Variants in LHFPL3 observed in about 807,000 individuals in gnomAD.
The protein encoded by LHFPL3 is LHFPL tetraspan subfamily member 3.
Under a neutral mutation model 19.3 loss-of-function variants are expected in LHFPL3, and 5 were observed. That is an observed-to-expected ratio of 0.26 (90% CI 0.14 to 0.54). The LOEUF (loss-of-function observed/expected upper bound fraction) is 0.54, where lower values mean the gene tolerates loss of function less well. LHFPL3 is among the 20% of genes least tolerant of loss of function. The pLI, the probability that LHFPL3 is intolerant of heterozygous loss-of-function variation, is 0.94. For missense variants in LHFPL3, 249 were observed against 307.4 expected (o/e 0.81, Z 1.42); for synonymous variants, 133 against 126.2 (o/e 1.05, Z -0.36).
chr7:104,562,886 G>T (rs1316063616), intron 1 of LHFPL3, among the ~76,000 whole-genome samples: 1 of 151,794 alleles, frequency 6.6e-6, no homozygotes, highest in Admixed American at 6.6e-5. Context: ...CTGTTTGTTA[G>T]TTTTCCTTCT....
At chr7:104,356,491 C>G (rs1428420867) in intron 1 of LHFPL3, among the ~76,000 whole-genome samples, 1 of 152,124 alleles carries the variant, frequency 6.6e-6, no homozygotes, top group East Asian at 1.9e-4. Flanking sequence ...TCATTTGGAC[C>G]ATGGCAGCTA....
At chr7:104,719,000 T>C (rs1793440695) in intron 1 of LHFPL3, among the ~76,000 whole-genome samples, 1 of 152,168 alleles carries the variant, frequency 6.6e-6, no homozygotes, top group Admixed American at 6.5e-5. Flanking sequence ...AAAAATGCTG[T>C]TTAGATTTTA....
At position 104,520,573 on chromosome 7, in the gene LHFPL3, G is replaced by A. The variant is rs1313094663; in HGVS notation, c.445+191349G>A. Among the ~76,000 whole-genome samples, 1,172 of 136,552 alleles carry A rather than the reference G, an allele frequency of 8.6e-3. 12 individuals are homozygous for A. The highest frequency in any genetic ancestry group is 0.03 in the African/African-American group (1,109 of 36,560). The allele number at this position is 136,552 out of a possible 152,430, so 89.6% of individuals were successfully genotyped here. A position where few individuals can be genotyped will look rare whatever the true frequency, so the allele number is the denominator to read the frequency against. ...TAGAATTCGGCTGTGAATCCATCTG[G>A]TCCTGGACTCTTTTTGGTTGGTAAG... On this transcript the variant is annotated intron_variant, in intron 1 of 2. Transcript: ENST00000424859.
intron 1 of LHFPL3, among the ~76,000 whole-genome samples, chr7:104,514,383 C>A (rs1344895582): frequency 6.6e-6 from 1 of 152,168 alleles, no homozygotes; most frequent in African/African-American, 2.4e-5. Flanking sequence ...TAGTATCTAT[C>A]TCTCCCACTG....
At chr7:104,354,684 A>G (rs1189031730) in intron 1 of LHFPL3, among the ~76,000 whole-genome samples, 4 of 152,140 alleles carry the variant, frequency 2.6e-5, no homozygotes, top group African/African-American at 9.6e-5. Context: ...CTGCTACCCT[A>G]TTGTCCAGTT....
chr7:104,854,425 G>C (rs934883547), intron 2 of LHFPL3, among the ~76,000 whole-genome samples: 24 of 152,176 alleles, frequency 1.6e-4, no homozygotes, highest in African/African-American at 5.6e-4. Context: ...CCTGTCTTCA[G>C]AGCTTCTCCT....
chr7:104,753,769 C>G (rs1794222736), intron 2 of LHFPL3, among the ~76,000 whole-genome samples: 1 of 151,850 alleles, frequency 6.6e-6, no homozygotes, highest in African/African-American at 2.4e-5. Context: ...AAAGGAAACT[C>G]AAAAACAGAG....
intron 1 of LHFPL3, among the ~76,000 whole-genome samples, chr7:104,585,509 A>ACACACACT: frequency 6.6e-6 from 1 of 151,322 alleles, no homozygotes; most frequent in African/African-American, 2.4e-5. Flanking sequence ...ACACACACAC[A>ACACACACT]CACACACACA....
At chr7:104,817,186 C>T (rs992241637) in intron 2 of LHFPL3, among the ~76,000 whole-genome samples, 2 of 152,194 alleles carry the variant, frequency 1.3e-5, no homozygotes, top group South Asian at 2.1e-4. Flanking sequence ...TGCCAGTCTT[C>T]GTTATAATTT....
chr7:104,377,518 T>G (rs981638867), intron 1 of LHFPL3, among the ~76,000 whole-genome samples: 1 of 152,202 alleles, frequency 6.6e-6, no homozygotes, highest in Non-Finnish European at 1.5e-5. Flanking sequence ...TATATTATCT[T>G]TTTATTCTTT....
chr7:104,669,397 A>G (rs1792427301), intron 1 of LHFPL3: 4 of 1,613,656 alleles, frequency 2.5e-6, no homozygotes, highest in Non-Finnish European at 3.4e-6. Flanking sequence ...CTGAGGGAAC[A>G]GAGACCACTG....
intron 2 of LHFPL3, among the ~76,000 whole-genome samples, chr7:104,753,812 A>C (rs1794223951): frequency 1.3e-5 from 2 of 152,242 alleles, no homozygotes; most frequent in Admixed American, 1.3e-4. Context: ...AATAATTGGT[A>C]ATTAGGTAAA....
intron 1 of LHFPL3, among the ~76,000 whole-genome samples, chr7:104,666,816 C>T (rs529353232): frequency 1.8e-4 from 28 of 152,132 alleles, no homozygotes; most frequent in East Asian, 9.7e-4. Flanking sequence ...GCCACCACCG[C>T]GCCCAGCCTC....
At chr7:104,343,396 C>A (rs1282795247) in intron 1 of LHFPL3, among the ~76,000 whole-genome samples, 1 of 150,964 alleles carries the variant, frequency 6.6e-6, no homozygotes, top group Non-Finnish European at 1.5e-5. Context: ...GCCTGTAGTC[C>A]CAGCTACTCT....
At chr7:104,603,251 A>G (rs1791022250) in intron 1 of LHFPL3, among the ~76,000 whole-genome samples, 1 of 150,946 alleles carries the variant, frequency 6.6e-6, no homozygotes, top group South Asian at 2.1e-4. Flanking sequence ...GCTGGAGTAC[A>G]GTGACACAAT....
At chr7:104,580,269 G>A (rs1196667043) in intron 1 of LHFPL3, among the ~76,000 whole-genome samples, 2 of 152,132 alleles carry the variant, frequency 1.3e-5, no homozygotes, top group African/African-American at 2.4e-5. Context: ...AGGCCCAGGA[G>A]TACAGTCTAT....
At chr7:104,903,419 T>G (rs1562831191) in intron 2 of LHFPL3, among the ~76,000 whole-genome samples, 1 of 151,626 alleles carries the variant, frequency 6.6e-6, no homozygotes, top group South Asian at 2.1e-4. Flanking sequence ...CACACACACA[T>G]AGATGGCCCT....
rs4140743 is a variant in LHFPL3, at chr7:104,566,450, A to G, written c.446-170225A>G. On this transcript the variant is annotated intron_variant, in intron 1 of 2. Transcript: ENST00000424859. ...CCTCTCCTGACAAGTCATTTTATTC[A>G]TGTTTAGGAAATGAGTTGTGAATGA... Among the ~76,000 whole-genome samples, 871 of 152,280 alleles carry G rather than the reference A, an allele frequency of 5.7e-3. 40 individuals carry two copies. The East Asian group carries it at 0.12, about 22-fold the overall frequency.
At chr7:104,598,627 GA>G (rs1250453327) in intron 1 of LHFPL3, among the ~76,000 whole-genome samples, 1 of 152,216 alleles carries the variant, frequency 6.6e-6, no homozygotes, top group Non-Finnish European at 1.5e-5. Flanking sequence ...ATGTTTTTAA[GA>G]AAGTTAGCCA....
Sources: allele counts gnomAD v4.1 joint callset (sites outside exome capture counted in the v4.1 genomes callset), GRCh38; gene constraint gnomAD v4.1.1; transcripts MANE v1.5; gene names NCBI Gene and HGNC (gene_info 2026-07-23, HGNC 2026-07-21).